The following COL19A1 variants were observed in gnomAD, a reference collection of about 807,000 sequenced individuals.
The protein encoded by COL19A1 is collagen alpha-1(XIX) chain.
In COL19A1, 159 loss-of-function variants were observed where a neutral mutation model predicts 190.2. The observed-to-expected ratio is 0.84, with a 90% CI of 0.73 to 0.95. The LOEUF is 0.95. COL19A1 is among the 40% of genes least tolerant of loss of function. The pLI is 0.00. For missense variants in COL19A1, 1,418 were observed against 1,431.9 expected (o/e 0.99, Z 0.16); for synonymous variants, 509 against 458.9 (o/e 1.11, Z -1.39).
intron 16 of COL19A1, among the ~76,000 whole-genome samples, chr6:70,120,818 T>C (rs2150210740): frequency 6.6e-6 from 1 of 152,334 alleles, no homozygotes; most frequent in East Asian, 1.9e-4. Flanking sequence ...AAGCTGCTCA[T>C]AAGAAACACC....
intron 14 of COL19A1, among the ~76,000 whole-genome samples, chr6:70,058,975 C>T (rs1036421237): frequency 7.2e-5 from 11 of 152,046 alleles, no homozygotes; most frequent in African/African-American, 1.9e-4. Context: ...AATTTCATTC[C>T]GATGTCCCCA....
chr6:69,871,126 A>C (rs1479569116), intron 1 of COL19A1, among the ~76,000 whole-genome samples: 1 of 152,228 alleles, frequency 6.6e-6, no homozygotes, highest in East Asian at 1.9e-4. Context: ...GAATAATGCT[A>C]GACCTAGTCG....
At chr6:69,933,170 T>A (rs1273756053) in intron 7 of COL19A1, among the ~76,000 whole-genome samples, 1 of 152,110 alleles carries the variant, frequency 6.6e-6, no homozygotes, top group East Asian at 1.9e-4. Flanking sequence ...ACAGAAGTTT[T>A]AAATCTGTGA....
At chr6:69,975,875 A>G (rs1308847445) in intron 11 of COL19A1, among the ~76,000 whole-genome samples, 1 of 152,198 alleles carries the variant, frequency 6.6e-6, no homozygotes, top group Non-Finnish European at 1.5e-5. Context: ...ACTACCTATT[A>G]TTTACCTCAC....
intron 41 of COL19A1, among the ~76,000 whole-genome samples, chr6:70,175,526 T>C (rs987947094): frequency 2.0e-5 from 3 of 152,100 alleles, no homozygotes; most frequent in African/African-American, 7.2e-5. Flanking sequence ...TTATTAGAAC[T>C]GTTTGTTAAA....
At chr6:69,883,654 G>A (rs761500056) in intron 2 of COL19A1, among the ~76,000 whole-genome samples, 32 of 152,150 alleles carry the variant, frequency 2.1e-4, no homozygotes, top group Non-Finnish European at 4.3e-4. Flanking sequence ...AAACTGCAAA[G>A]AGTATAACAG....
Position 70,142,022 on chromosome 6 carries a change from G to A in COL19A1, c.1519-1G>A. Reference sequence around the variant, plus strand: ...ATCTTTCCTTCCCCCCACGTGTTTAGGGTGAACCTGGAGATCCCGGACCCC... The same window carrying A: ...ATCTTTCCTTCCCCCCACGTGTTTAAGGTGAACCTGGAGATCCCGGACCCC... On this transcript the variant is annotated splice_acceptor_variant, in intron 21 of 50. Coordinates refer to ENST00000620364, the MANE Select transcript of COL19A1 (RefSeq NM_001858.6). LOFTEE classifies it high-confidence loss of function. 6.2e-7 allele frequency: 1 copy of A among 1,612,428 alleles called. No homozygotes were observed. Among genetic ancestry groups the A allele is most frequent in the Non-Finnish European group, 8.5e-7 (1 of 1,178,934 alleles).
At chr6:70,161,358 T>C (rs372762439) in intron 34 of COL19A1, among the ~76,000 whole-genome samples, 2 of 152,204 alleles carry the variant, frequency 1.3e-5, no homozygotes, top group Non-Finnish European at 1.5e-5. Context: ...TCTTAGATAC[T>C]ACTGCTGACG....
chr6:69,921,070 G>GGC (rs1771713493), intron 4 of COL19A1, among the ~76,000 whole-genome samples: 1 of 50,552 alleles, frequency 2.0e-5, no homozygotes, highest in Non-Finnish European at 4.0e-5. Context: ...TATATTCATA[G>GGC]ACATATCATA....
chr6:70,017,516 A>G (rs1273525394), intron 11 of COL19A1, among the ~76,000 whole-genome samples: 5 of 152,160 alleles, frequency 3.3e-5, no homozygotes, highest in African/African-American at 1.2e-4. Flanking sequence ...CTAAACAATA[A>G]AAAAGATATC....
intron 14 of COL19A1, among the ~76,000 whole-genome samples, chr6:70,065,369 A>G (rs539077840): frequency 2.0e-4 from 31 of 152,364 alleles, no homozygotes; most frequent in African/African-American, 7.2e-4. Flanking sequence ...AGGATTCCCT[A>G]TTTAACAAAT....
intron 11 of COL19A1, among the ~76,000 whole-genome samples, chr6:69,985,326 G>C (rs1352669974): frequency 6.6e-6 from 1 of 152,162 alleles, no homozygotes; most frequent in Non-Finnish European, 1.5e-5. Flanking sequence ...AAACATGAAA[G>C]CAGCATCATC....
intron 14 of COL19A1, among the ~76,000 whole-genome samples, chr6:70,041,511 C>A (rs1054918342): frequency 2.0e-5 from 3 of 151,900 alleles, no homozygotes; most frequent in Non-Finnish European, 2.9e-5. Context: ...ATTGTTTAAA[C>A]CAAACCTTAA....
chr6:70,149,947 C>A (rs1413137902), intron 29 of COL19A1, 43 bp downstream of exon 29: 1 of 1,613,752 alleles, frequency 6.2e-7, no homozygotes, highest in South Asian at 1.1e-5. Flanking sequence ...TTAATCTGCA[C>A]CTGTGCCACG....
chr6:70,051,986 A>G (rs1780230001), intron 14 of COL19A1, among the ~76,000 whole-genome samples: 1 of 152,136 alleles, frequency 6.6e-6, no homozygotes, highest in Middle Eastern at 3.4e-3. Context: ...GATCCCATAA[A>G]TCATCCAAGT....
rs117232198 is a variant in COL19A1 at position 69,913,632 on chromosome 6, T to G, written c.266+13294T>G. On this transcript the variant is annotated intron_variant, in intron 4 of 50. Transcript: ENST00000620364. ...AAGCAATTTGAGGAATAGTGAGAAA[T>G]CCCATGTGGTTAATGAACACAGGTG... Among the ~76,000 whole-genome samples, 30 of 152,118 alleles carry G rather than the reference T, an allele frequency of 2.0e-4. No individual in the cohort carries two copies. In the East Asian group the frequency reaches 5.8e-3, roughly 29 times the overall value.
chr6:69,998,393 C>G (rs1172844468), intron 11 of COL19A1, among the ~76,000 whole-genome samples: 1 of 151,994 alleles, frequency 6.6e-6, no homozygotes, highest in Non-Finnish European at 1.5e-5. Context: ...GCCTGCAGTT[C>G]TAGCACTTTG....
intron 9 of COL19A1, among the ~76,000 whole-genome samples, 154 bp downstream of exon 9, chr6:69,938,254 G>C (rs1385763394): frequency 6.6e-6 from 1 of 152,108 alleles, no homozygotes; most frequent in Non-Finnish European, 1.5e-5. Flanking sequence ...CTGAAATAGA[G>C]ACTATCAGCA....
At chr6:70,174,292 G>A (rs1037891723) in intron 41 of COL19A1, among the ~76,000 whole-genome samples, 1 of 152,164 alleles carries the variant, frequency 6.6e-6, no homozygotes, top group African/African-American at 2.4e-5. Flanking sequence ...TGCTGGCAAG[G>A]CACAGTGGCT....
Sources: gnomAD v4.1 joint callset for allele counts (sites outside exome capture counted in the v4.1 genomes callset) on GRCh38, gnomAD v4.1.1 for gene constraint, MANE v1.5 for transcripts, NCBI Gene and HGNC (gene_info 2026-07-23, HGNC 2026-07-21) for gene names.